Variants in MEMO1 observed in about 807,000 individuals in gnomAD.
MEMO1 encodes mediator of cell motility 1.
In MEMO1, 6 loss-of-function variants were observed where a neutral mutation model predicts 45.2. The ratio of observed to expected loss-of-function variants is 0.13; its 90% confidence interval spans 0.07 to 0.26. The LOEUF (loss-of-function observed/expected upper bound fraction) is 0.26. Ranked by LOEUF, MEMO1 falls within the 10% of genes least tolerant of loss-of-function variation. The pLI, the probability that MEMO1 is intolerant of heterozygous loss-of-function variation, is 1.00. For synonymous variants in MEMO1, 78 were observed against 124.3 expected (o/e 0.63, Z 2.48); for missense variants, 184 against 370.5 (o/e 0.50, Z 4.13).
At chr2:32,004,336 A>G (rs1438688503) in intron 2 of MEMO1, among the ~76,000 whole-genome samples, 1 of 152,186 alleles carries the variant, frequency 6.6e-6, no homozygotes, top group Non-Finnish European at 1.5e-5. Flanking sequence ...ACAGCCCAGT[A>G]GAAAAAAAGG....
rs191929179 is a variant in MEMO1, at chr2:31,931,006, T to C, written c.212+1061A>G. On this transcript the variant is annotated intron_variant, in intron 4 of 9. Transcript: ENST00000404530. Reference sequence around the variant, plus strand: ...TTCTATTTGCTCTTATTCATGAAATTACTTAAGATTATATATTAAGCATGT... The same window carrying C: ...TTCTATTTGCTCTTATTCATGAAATCACTTAAGATTATATATTAAGCATGT... Among the ~76,000 whole-genome samples, 164 of 152,136 alleles carry C rather than the reference T, an allele frequency of 1.1e-3. 1 individual carries two copies. Among genetic ancestry groups the C allele is most frequent in the African/African-American group, 3.8e-3 (158 of 41,516 alleles).
At chr2:31,957,057 A>AGGGAGG (rs1423957237) in intron 2 of MEMO1, among the ~76,000 whole-genome samples, 1 of 151,364 alleles carries the variant, frequency 6.6e-6, no homozygotes, top group Non-Finnish European at 1.5e-5. Context: ...CAGGAGAATC[A>AGGGAGG]CTTGAACCAG....
intron 6 of MEMO1, among the ~76,000 whole-genome samples, chr2:31,897,131 T>C (rs66511526): frequency 0.13 from 19,888 of 152,214 alleles, 1,470 homozygotes; most frequent in Middle Eastern, 0.21. Context: ...GCTGAGACAA[T>C]GGGATTTTCT....
intron 2 of MEMO1, among the ~76,000 whole-genome samples, chr2:31,964,671 A>G (rs1433507129): frequency 6.6e-6 from 1 of 152,182 alleles, no homozygotes; most frequent in East Asian, 1.9e-4. Context: ...ATTGCACTCC[A>G]GCTTGGGCAA....
At chr2:31,949,023 C>T (rs766917891) in intron 2 of MEMO1, among the ~76,000 whole-genome samples, 4 of 152,094 alleles carry the variant, frequency 2.6e-5, no homozygotes, top group African/African-American at 4.8e-5. Context: ...TCAACATCAC[C>T]GATGATCACA....
chr2:31,964,345 T>C (rs1040773506), intron 2 of MEMO1, among the ~76,000 whole-genome samples: 13 of 151,052 alleles, frequency 8.6e-5, no homozygotes, highest in Non-Finnish European at 1.9e-4. Context: ...ACATACCAAC[T>C]AATTAAAATG....
intron 6 of MEMO1, among the ~76,000 whole-genome samples, chr2:31,909,629 T>C (rs933578073): frequency 7.2e-5 from 11 of 152,244 alleles, no homozygotes; most frequent in Admixed American, 1.3e-4. Flanking sequence ...AAAAACTGGA[T>C]AGATATCCCA....
intron 7 of MEMO1, among the ~76,000 whole-genome samples, chr2:31,890,568 A>G (rs1676820645): frequency 6.6e-6 from 1 of 152,172 alleles, no homozygotes; most frequent in Non-Finnish European, 1.5e-5. Flanking sequence ...GCTAACCAAT[A>G]AAATCAGTAA....
intron 2 of MEMO1, among the ~76,000 whole-genome samples, chr2:31,999,952 G>A (rs1673076873): frequency 6.7e-6 from 1 of 149,034 alleles, no homozygotes; most frequent in Middle Eastern, 3.4e-3. Flanking sequence ...GGTGAAACAT[G>A]GTTCACTGCA....
At chr2:31,901,204 C>G (rs1678739645) in intron 6 of MEMO1, among the ~76,000 whole-genome samples, 1 of 151,712 alleles carries the variant, frequency 6.6e-6, no homozygotes, top group South Asian at 2.1e-4. Flanking sequence ...GAAACCCTGT[C>G]TCTACTAAAA....
chr2:31,923,409 C>G, intron 4 of MEMO1: 2 of 342,352 alleles, frequency 5.8e-6, no homozygotes, highest in Admixed American at 4.9e-5. Context: ...TGCTAATCCT[C>G]ACTTCTTGTC....
chr2:31,933,330 AAAAAAAAAAAAAAAAAAAATTTATAT>A (rs1558513978), intron 3 of MEMO1, among the ~76,000 whole-genome samples: 3 of 57,226 alleles, frequency 5.2e-5, no homozygotes, highest in African/African-American at 2.5e-4. Context: ...AAAAAAAAAA[AAAAAAAAAAAAAAAAAAAATTTATAT>A]ATATATATAT....
chr2:31,923,690 A>G, intron 4 of MEMO1: 1 of 1,548,552 alleles, frequency 6.5e-7, no homozygotes, highest in Non-Finnish European at 8.7e-7. Flanking sequence ...AAATATGAAA[A>G]GACAGAGAGA....
chr2:31,915,246 A>G (rs779519673), intron 6 of MEMO1, among the ~76,000 whole-genome samples: 6 of 152,166 alleles, frequency 3.9e-5, no homozygotes, highest in Non-Finnish European at 7.4e-5. Flanking sequence ...ATAGCAAGTA[A>G]GATTTCTGAA....
intron 2 of MEMO1, among the ~76,000 whole-genome samples, chr2:31,971,482 G>A (rs1047725476): frequency 6.6e-6 from 1 of 151,928 alleles, no homozygotes; most frequent in Admixed American, 6.6e-5. Context: ...CTCCTATTGT[G>A]GCCTCCCAAA....
At chr2:31,977,705 C>T (rs1241178994) in intron 2 of MEMO1, among the ~76,000 whole-genome samples, 5 of 151,912 alleles carry the variant, frequency 3.3e-5, no homozygotes, top group Admixed American at 2.0e-4. Context: ...CTAATTTCTG[C>T]ATTTTTTGTT....
intron 2 of MEMO1, among the ~76,000 whole-genome samples, chr2:31,985,262 T>A (rs1671125723): frequency 6.6e-6 from 1 of 152,204 alleles, no homozygotes; most frequent in African/African-American, 2.4e-5. Flanking sequence ...TTACCTAAAA[T>A]AAATAACAAA....
chr2:32,010,789 G>T (rs1179146005), intron 1 of MEMO1, among the ~76,000 whole-genome samples, 153 bp downstream of exon 1: 2 of 151,932 alleles, frequency 1.3e-5, no homozygotes, highest in Non-Finnish European at 2.9e-5. Context: ...GCGCGGCGAG[G>T]TTAACGGCGG....
chr2:31,875,313 C>A (rs1674402435), intron 8 of MEMO1, among the ~76,000 whole-genome samples: 1 of 152,096 alleles, frequency 6.6e-6, no homozygotes, highest in African/African-American at 2.4e-5. Context: ...TCAACCTGGG[C>A]TAAGTGGTTC....
Sources: gnomAD v4.1 joint callset for allele counts (sites outside exome capture counted in the v4.1 genomes callset) on GRCh38, gnomAD v4.1.1 for gene constraint, MANE v1.5 for transcripts, NCBI Gene and HGNC (gene_info 2026-07-23, HGNC 2026-07-21) for gene names.